TNPO2: variants seen among roughly 807,000 people sequenced by gnomAD.
TNPO2 encodes transportin-2.
TNPO2 carries 16 observed loss-of-function variants against 111.1 expected under a neutral mutation model. The observed-to-expected ratio is 0.14, with a 90% CI of 0.10 to 0.22. The LOEUF (loss-of-function observed/expected upper bound fraction) is 0.22. TNPO2 is among the 10% of genes least tolerant of loss of function. TNPO2 has a pLI of 1.00. For missense variants in TNPO2, 530 were observed against 1,173.7 expected (o/e 0.45, Z 8.01); for synonymous variants, 481 against 475.8 (o/e 1.01, Z -0.14).
At chr19:12,722,816 T>C (rs1355759101) in intron 2 of TNPO2, among the ~76,000 whole-genome samples, 1 of 152,238 alleles carries the variant, frequency 6.6e-6, no homozygotes, top group Admixed American at 6.5e-5. Flanking sequence ...TCCCAGCATC[T>C]TTCACTGACC....
At chr19:12,722,911 G>C (rs1016732617) in intron 2 of TNPO2, among the ~76,000 whole-genome samples, 1 of 152,214 alleles carries the variant, frequency 6.6e-6, no homozygotes, top group Admixed American at 6.5e-5. Flanking sequence ...CCCTCGGCCA[G>C]AGCCAGCACC....
In TNPO2 at chr19:12,701,326, C is replaced by A. The variant is rs1246840772; in HGVS notation, c.*20G>T. 2 of 1,601,602 alleles carry A rather than the reference C, an allele frequency of 1.2e-6. No individual in the cohort carries two copies. Among genetic ancestry groups the A allele is most frequent in the East Asian group, 4.5e-5 (2 of 44,702 alleles). On this transcript the variant is annotated splice_region_variant and 3_prime_UTR_variant, in exon 25 of 26. Coordinates refer to ENST00000425528, the MANE Select transcript of TNPO2 (RefSeq NM_001382241.1). The surrounding 1 kb of genome is among the most constrained non-coding windows in gnomAD (Gnocchi z 5.0). ...GACTTGCCAGCTGCAGTCTCCTTAC[C>A]TGGCAGTCTCCATGATCACCTAGAC...
At chr19:12,712,688 T>C (rs552254371) in intron 10 of TNPO2, among the ~76,000 whole-genome samples, 7 of 152,156 alleles carry the variant, frequency 4.6e-5, no homozygotes, top group South Asian at 2.1e-4. Context: ...TTACCTATCA[T>C]TGGAGGTGAC....
chr19:12,705,171 C>G lies in TNPO2; in HGVS notation c.2022+69G>C. The G allele has an allele frequency of 7.4e-6, 11 of 1,489,768 alleles. No individual in the cohort carries two copies. The highest frequency in any genetic ancestry group is 1.0e-5 in the Non-Finnish European group (11 of 1,094,790). 92.3% of individuals were successfully genotyped at this position (1,489,768 alleles called of 1,614,324 possible). ...TGATTTCCTTTGGGCACAACCAGGC[C>G]CTGACTCCCCACCAGGGGCAGCCCA... On this transcript the variant is annotated intron_variant, in intron 18 of 25. Transcript: ENST00000425528. The surrounding 1 kb of genome is among the most constrained non-coding windows in gnomAD (Gnocchi z 7.2).
chr19:12,702,945 GC>G lies in TNPO2; in HGVS notation c.2210-28del. On this transcript the variant is annotated intron_variant, in intron 20 of 25. Coordinates refer to ENST00000425528, the MANE Select transcript of TNPO2 (RefSeq NM_001382241.1). The surrounding 1 kb of genome is among the most constrained non-coding windows in gnomAD (Gnocchi z 5.5). The stretch of plus-strand genomic sequence containing the variant: ...TGGGGGAGCACCCAGTCAGAGCCCT[GC>G]ACAGCCCCCGCCACCCACAGGGGCC... 4 of 1,607,226 alleles carry G rather than the reference GC, an allele frequency of 2.5e-6. No individual in the cohort carries two copies. Among genetic ancestry groups the G allele is most frequent in the Non-Finnish European group, 3.4e-6 (4 of 1,174,432 alleles).
chr19:12,720,350 T>C (rs1192284584), intron 3 of TNPO2, among the ~76,000 whole-genome samples: 1 of 152,090 alleles, frequency 6.6e-6, no homozygotes, highest in African/African-American at 2.4e-5. Flanking sequence ...AGGGTCTGGC[T>C]CTGTCGCCCA....
Position 12,706,472 on chromosome 19 carries a change from C to T in TNPO2, c.1496+98G>A, listed in dbSNP as rs370452205. On this transcript the variant is annotated intron_variant, in intron 14 of 25. Transcript: ENST00000425528. This position sits in a 1 kb window ranked among gnomAD's most constrained non-coding sequence, Gnocchi z 7.0. ...CTCAGGATCAGCCAGTACGAATACG[C>T]GATAAATCAGTTCCACATCAACAGT... 10 of 1,572,322 alleles carry T rather than the reference C, an allele frequency of 6.4e-6. No individual in the cohort carries two copies. The highest frequency in any genetic ancestry group is 3.3e-5 in the Admixed American group (2 of 59,954).
chr19:12,723,009 C>G (rs938209483), intron 2 of TNPO2, among the ~76,000 whole-genome samples: 42 of 152,104 alleles, frequency 2.8e-4, no homozygotes, highest in African/African-American at 9.9e-4. Flanking sequence ...TGTGTGTGCG[C>G]AAGGAAAGAG....
intron 20 of TNPO2, 115 bp from the exon 21 acceptor site, chr19:12,703,033 T>TA: frequency 1.1e-6 from 1 of 878,786 alleles, no homozygotes; most frequent in Admixed American, 2.2e-5. Flanking sequence ...GGCCAACCAC[T>TA]ACCAGTGAGG....
rs1000018073 is a variant in TNPO2 at position 12,699,254 on chromosome 19, G to A, written c.*2010C>T. On this transcript the variant is annotated 3_prime_UTR_variant, in exon 26 of 26. Transcript: ENST00000425528. ...AAGTTCTACACAAGTGGAATCTCAC[G>A]CCACCTCGGCGCCAATCCCCAGCAC... The A allele has an allele frequency of 3.4e-5, 15 of 444,826 alleles. No homozygotes were observed. The highest frequency in any genetic ancestry group is 9.6e-5 in the South Asian group (6 of 62,688). 27.6% of individuals were successfully genotyped at this position (444,826 alleles called of 1,614,324 possible).
intron 13 of TNPO2, among the ~76,000 whole-genome samples, chr19:12,709,194 T>C (rs1451990355): frequency 6.6e-6 from 1 of 151,382 alleles, no homozygotes; most frequent in African/African-American, 2.4e-5. Flanking sequence ...ACCCTGTCTC[T>C]ACTAAAAATA....
chr19:12,710,489 T>C, intron 13 of TNPO2, 132 bp downstream of exon 13: 1 of 1,079,138 alleles, frequency 9.3e-7, no homozygotes, highest in Non-Finnish European at 1.3e-6. Context: ...AAGGGGAGAA[T>C]TGAGATCTCA....
chr19:12,723,837 G>A lies in TNPO2; in HGVS notation c.-199C>T, dbSNP rs1967170374. 1 of 152,222 alleles carries A rather than the reference G, an allele frequency of 6.6e-6. No homozygotes were observed. Among genetic ancestry groups the A allele is most frequent in the African/African-American group, 2.4e-5 (1 of 41,444 alleles). The allele number at this position is 152,222 out of a possible 1,614,324, so 9.4% of individuals were successfully genotyped here. On this transcript the variant is annotated 5_prime_UTR_variant, in exon 1 of 26. Coordinates refer to ENST00000425528, the MANE Select transcript of TNPO2 (RefSeq NM_001382241.1). ...ATCAAGTCCCGGGCCTCCAAGGTTA[G>A]GGAAGTGTCGGCAGGCGCCTAACTC...
In TNPO2 at chr19:12,719,211, A is replaced by AG; in HGVS notation, c.176-34dup. ...GAGGAAGGCTGAGGTTCAGGGGCCC[A>AG]GGGGGAGAAAGCAGGGTCCCGATCG... On this transcript the variant is annotated intron_variant, in intron 4 of 25. Transcript: ENST00000425528. This position sits in a 1 kb window ranked among gnomAD's most constrained non-coding sequence, Gnocchi z 5.0. 1 of 1,613,850 alleles carries AG rather than the reference A, an allele frequency of 6.2e-7. No homozygotes were observed. Among genetic ancestry groups the AG allele is most frequent in the Non-Finnish European group, 8.5e-7 (1 of 1,179,744 alleles).
At position 12,705,372 on chromosome 19, in the gene TNPO2, A is replaced by G; in HGVS notation, c.1890T>C (p.Tyr630=). The G allele has an allele frequency of 6.3e-7, 1 of 1,587,062 alleles. No individual in the cohort carries two copies. The highest frequency in any genetic ancestry group is 1.1e-5 in the South Asian group (1 of 86,968). Residue 630 remains tyrosine, a synonymous_variant, in exon 18 of 26, where the codon TAT becomes TAC. Transcript: ENST00000425528. This position sits in a 1 kb window ranked among gnomAD's most constrained non-coding sequence, Gnocchi z 7.2. ...TCATGAAGTCCTTGTCGGGAGCCTC[A>G]TACTGCTCAGGGTGCTGGGTGTACA... is the stretch of plus-strand genomic sequence containing the variant. ...AMMYTQHPEQ[Y]EAPDKDFMIV... is the part of the protein sequence containing the mutation.
rs772678471 is a variant in TNPO2 at position 12,702,187 on chromosome 19, C to T, written c.2306-10G>A. The T allele has an allele frequency of 1.2e-5, 20 of 1,611,248 alleles. No individual in the cohort carries two copies. The highest frequency in any genetic ancestry group is 4.4e-5 in the South Asian group (4 of 90,826). On this transcript the variant is annotated splice_polypyrimidine_tract_variant and intron_variant, in intron 21 of 25. Coordinates refer to ENST00000425528, the MANE Select transcript of TNPO2 (RefSeq NM_001382241.1). The surrounding 1 kb of genome is among the most constrained non-coding windows in gnomAD (Gnocchi z 5.5). ...GGACTCGTCAGGCGACCTGCAACCCCGAGCGGCCCCGGGACGGTACGTGGC... is the reference window on the plus strand; with the variant it reads ...GGACTCGTCAGGCGACCTGCAACCCTGAGCGGCCCCGGGACGGTACGTGGC...
chr19:12,705,263 T>C lies in TNPO2; in HGVS notation c.1999A>G (p.Thr667Ala). Residue 667 changes from threonine (T) to alanine (A), a missense_variant, in exon 18 of 26, where the codon ACA (threonine) becomes GCA (alanine). By Grantham distance (58) the Thr-to-Ala change is moderately conservative. Coordinates refer to ENST00000425528, the MANE Select transcript of TNPO2 (RefSeq NM_001382241.1). The surrounding 1 kb of genome is among the most constrained non-coding windows in gnomAD (Gnocchi z 7.2). ...ACCTGCATGCACTGGAACAGCAATG[T>C]CATGATGTTGCTGCGGGCCACCAGC... ...EQLVARSNIM[T>A]LLFQCMQDSM... is the part of the protein sequence containing the mutation. 1 of 1,606,312 alleles carries C rather than the reference T, an allele frequency of 6.2e-7. No individual in the cohort carries two copies. The highest frequency in any genetic ancestry group is 8.5e-7 in the Non-Finnish European group (1 of 1,176,746).
chr19:12,714,860 T>C lies in TNPO2; in HGVS notation c.851A>G (p.Gln284Arg). Reference sequence around the variant, plus strand: ...GGCCAGGACTTCCTTGCAGATGGGCTGCTCGGCCAGCGTCAGCCAGAACTC... The same window carrying C: ...GGCCAGGACTTCCTTGCAGATGGGCCGCTCGGCCAGCGTCAGCCAGAACTC... Reference protein sequence around the residue: ...ACEFWLTLAEQPICKEVLASH... With the variant: ...ACEFWLTLAERPICKEVLASH... Residue 284 changes from glutamine (Q) to arginine (R), a missense_variant, in exon 10 of 26, where the codon CAG becomes CGG. Physicochemically the swap from Gln to Arg is conservative, Grantham distance 43. Around this residue, in one of 4 missense-constraint regions of TNPO2, gnomAD observed 156 missense variants for 405.8 expected, o/e 0.38. Transcript: ENST00000425528. 6.2e-7 allele frequency: 1 copy of C among 1,613,870 alleles called. No individual in the cohort carries two copies. The highest frequency in any genetic ancestry group is 8.5e-7 in the Non-Finnish European group (1 of 1,179,808).
chr19:12,703,388 G>A, intron 20 of TNPO2, 40 bp downstream of exon 20: 2 of 1,572,046 alleles, frequency 1.3e-6, no homozygotes, highest in South Asian at 1.1e-5. Flanking sequence ...TTGAGAACAG[G>A]CTAATGGGGG....
Sources: allele counts gnomAD v4.1 joint callset (sites outside exome capture counted in the v4.1 genomes callset), GRCh38; gene constraint gnomAD v4.1.1; regional missense constraint gnomAD v4.1.1; non-coding constraint Gnocchi (gnomAD v3.1); transcripts MANE v1.5; gene names NCBI Gene and HGNC (gene_info 2026-07-23, HGNC 2026-07-21).